MATN2: variants seen among roughly 807,000 people sequenced by gnomAD.
The protein encoded by MATN2 is matrilin 2, also known as matrilin-2.
A neutral mutation model predicts 103.2 loss-of-function variants in MATN2; 69 were observed. The ratio of observed to expected loss-of-function variants is 0.67; its 90% CI spans 0.55 to 0.82. The LOEUF (loss-of-function observed/expected upper bound fraction) is 0.82, where lower values mean the gene tolerates loss of function less well. Ranked by LOEUF, MATN2 falls within the 40% of genes least tolerant of loss-of-function variation. MATN2 has a pLI of 0.00. For missense variants in MATN2, 1,023 were observed against 1,211.5 expected (o/e 0.84, Z 2.31); for synonymous variants, 429 against 450.2 (o/e 0.95, Z 0.60).
At chr8:97,929,493 C>T (rs182651711) in intron 2 of MATN2, among the ~76,000 whole-genome samples, 19 of 152,284 alleles carry the variant, frequency 1.2e-4, no homozygotes, top group Non-Finnish European at 2.2e-4. Flanking sequence ...AACAGGAATG[C>T]CCAGCCTCCA....
chr8:97,981,164 G>A (rs1812006506), intron 6 of MATN2, among the ~76,000 whole-genome samples: 3 of 149,876 alleles, frequency 2.0e-5, no homozygotes, highest in African/African-American at 5.0e-5. Flanking sequence ...CAGCCTGGAG[G>A]ACACAGTAAG....
chr8:98,006,947 A>C (rs1192872299), intron 8 of MATN2, among the ~76,000 whole-genome samples, 158 bp from the exon 9 acceptor site: 1 of 152,156 alleles, frequency 6.6e-6, no homozygotes, highest in Non-Finnish European at 1.5e-5. Flanking sequence ...AAAGAAAACC[A>C]ACAAGCCAGG....
At chr8:97,914,209 G>A (rs1475100814) in intron 2 of MATN2, among the ~76,000 whole-genome samples, 1 of 152,050 alleles carries the variant, frequency 6.6e-6, no homozygotes, top group Non-Finnish European at 1.5e-5. Flanking sequence ...AGGGTTGGGG[G>A]TCAGGCCTGG....
chr8:97,892,770 T>A (rs751475330), intron 2 of MATN2, among the ~76,000 whole-genome samples: 4 of 152,234 alleles, frequency 2.6e-5, no homozygotes, highest in Non-Finnish European at 5.9e-5. Context: ...ACATTCATGT[T>A]ATTATGGAAA....
intron 1 of MATN2, among the ~76,000 whole-genome samples, chr8:97,879,417 A>G (rs560546563): frequency 1.3e-5 from 2 of 152,314 alleles, no homozygotes; most frequent in South Asian, 4.1e-4. Flanking sequence ...TTAACATTGC[A>G]CAGTGAGGCC....
chr8:97,913,778 C>A (rs1426219850), intron 2 of MATN2, among the ~76,000 whole-genome samples: 3 of 152,012 alleles, frequency 2.0e-5, no homozygotes. Flanking sequence ...CCACGCCCAG[C>A]TAATGTTTGT....
At position 98,030,457 on chromosome 8, in the gene MATN2, C is replaced by G; in HGVS notation, c.2357-5C>G. On this transcript the variant is annotated splice_region_variant and splice_polypyrimidine_tract_variant and intron_variant, in intron 14 of 18. Transcript: ENST00000254898. The stretch of plus-strand genomic sequence containing the variant: ...AACTTGCTCTTAATTTTTCCTGCAC[C>G]CTAGGTATCACTATGTATGCTGTTG... The G allele has an allele frequency of 6.2e-7, 1 of 1,611,440 alleles. No individual in the cohort carries two copies. The highest frequency in any genetic ancestry group is 1.1e-5 in the South Asian group (1 of 90,560).
chr8:97,959,724 A>G (rs1811246214), intron 4 of MATN2, among the ~76,000 whole-genome samples: 1 of 152,192 alleles, frequency 6.6e-6, no homozygotes, highest in African/African-American at 2.4e-5. Flanking sequence ...AAATGTGATG[A>G]TGTAAGTTTT....
At chr8:97,958,337 C>T (rs1276816684) in intron 4 of MATN2, among the ~76,000 whole-genome samples, 2 of 152,204 alleles carry the variant, frequency 1.3e-5, no homozygotes, top group Non-Finnish European at 2.9e-5. Context: ...GCCACCCTTC[C>T]AGAGCTGGTT....
intron 4 of MATN2, among the ~76,000 whole-genome samples, chr8:97,952,669 A>G (rs1053600457): frequency 5.9e-5 from 9 of 152,328 alleles, no homozygotes; most frequent in Admixed American, 3.3e-4. Flanking sequence ...TCACCTGGGA[A>G]GACTGAGTTA....
intron 1 of MATN2, among the ~76,000 whole-genome samples, chr8:97,875,796 C>T (rs532038922): frequency 1.1e-4 from 15 of 141,522 alleles, no homozygotes; most frequent in Admixed American, 6.0e-4. Flanking sequence ...CCCAGGTTCA[C>T]ACCATTCTCC....
chr8:98,034,775 G>A (rs1056261009), intron 18 of MATN2, among the ~76,000 whole-genome samples: 2 of 152,114 alleles, frequency 1.3e-5, no homozygotes, highest in Non-Finnish European at 2.9e-5. Flanking sequence ...CTTTGCTTCT[G>A]ACTTCATATC....
intron 18 of MATN2, among the ~76,000 whole-genome samples, chr8:98,034,518 A>C (rs558333122): frequency 6.6e-6 from 1 of 152,302 alleles, no homozygotes; most frequent in South Asian, 2.1e-4. Flanking sequence ...AAGTAAAATG[A>C]AATAATCTTT....
chr8:97,888,271 G>A (rs755486597), intron 2 of MATN2, 29 bp downstream of exon 2: 2 of 1,493,160 alleles, frequency 1.3e-6, no homozygotes, highest in African/African-American at 2.8e-5. Flanking sequence ...CCCCAAAAGT[G>A]GGCAGGTGGG....
intron 10 of MATN2, among the ~76,000 whole-genome samples, chr8:98,013,086 G>A (rs1010868421): frequency 6.6e-6 from 1 of 152,180 alleles, no homozygotes. Flanking sequence ...CCTGTTAGGG[G>A]ACCACTGAAG....
chr8:97,886,792 G>T (rs1476387938), intron 1 of MATN2, among the ~76,000 whole-genome samples: 1 of 152,012 alleles, frequency 6.6e-6, no homozygotes, highest in East Asian at 1.9e-4. Flanking sequence ...CTCTGACAAA[G>T]AAAGAACTAT....
intron 2 of MATN2, among the ~76,000 whole-genome samples, chr8:97,914,463 A>G (rs1258513617): frequency 7.4e-6 from 1 of 134,906 alleles, no homozygotes. Context: ...CTCACCCTCC[A>G]GGGCTCAAGC....
At chr8:97,978,349 C>T (rs1811906164) in intron 5 of MATN2, among the ~76,000 whole-genome samples, 1 of 152,016 alleles carries the variant, frequency 6.6e-6, no homozygotes, top group South Asian at 2.1e-4. Flanking sequence ...AATCATTTAC[C>T]CTTATTCAAT....
intron 4 of MATN2, among the ~76,000 whole-genome samples, chr8:97,945,047 C>T (rs1204094239): frequency 6.6e-6 from 1 of 152,172 alleles, no homozygotes; most frequent in East Asian, 1.9e-4. Context: ...ATGCAAAGTA[C>T]TGGAAATAAA....
Sources: gnomAD v4.1 joint callset for allele counts (sites outside exome capture counted in the v4.1 genomes callset) on GRCh38, gnomAD v4.1.1 for gene constraint, MANE v1.5 for transcripts, NCBI Gene and HGNC (gene_info 2026-07-23, HGNC 2026-07-21) for gene names.